The following APP variants were observed in gnomAD, a reference collection of about 807,000 sequenced individuals.
The protein encoded by APP is amyloid-beta precursor protein.
Under a neutral mutation model 101.4 loss-of-function variants are expected in APP, and 31 were observed. That is an observed-to-expected ratio of 0.31 (90% CI 0.23 to 0.41). The LOEUF (loss-of-function observed/expected upper bound fraction) is 0.41. Among genes scored for constraint, APP ranks in the 10% least tolerant of loss-of-function variants. The probability of loss-of-function intolerance (pLI) is 1.00; values close to 1 mark genes in which losing one functional copy is unlikely to be tolerated. For missense variants in APP, 839 were observed against 1,003.7 expected (o/e 0.84, Z 2.22); for synonymous variants, 366 against 364.4 (o/e 1.00, Z -0.05).
At chr21:25,996,382 C>T (rs935731924) in intron 8 of APP, among the ~76,000 whole-genome samples, 1 of 144,122 alleles carries the variant, frequency 6.9e-6, no homozygotes, top group Non-Finnish European at 1.5e-5. Context: ...TTGAAATCTG[C>T]GTGTACGAAT....
intron 3 of APP, among the ~76,000 whole-genome samples, chr21:26,060,403 G>A (rs764777297): frequency 6.6e-6 from 1 of 152,162 alleles, no homozygotes; most frequent in Non-Finnish European, 1.5e-5. Context: ...GTCCTGGCTG[G>A]GAGGGGGTGT....
intron 2 of APP, among the ~76,000 whole-genome samples, chr21:26,102,291 G>A (rs1193276031): frequency 2.0e-5 from 3 of 151,748 alleles, no homozygotes; most frequent in South Asian, 2.1e-4. Context: ...GGGTTTCACC[G>A]TGTTAGCCGG....
intron 13 of APP, among the ~76,000 whole-genome samples, chr21:25,953,090 GCT>G (rs1315543053): frequency 9.3e-6 from 1 of 107,218 alleles, no homozygotes; most frequent in African/African-American, 3.7e-5. Flanking sequence ...CTATGAAGTT[GCT>G]TTTTTTCTCT....
intron 6 of APP, among the ~76,000 whole-genome samples, chr21:26,003,875 T>A (rs756517747): frequency 1.3e-5 from 2 of 152,222 alleles, no homozygotes; most frequent in Non-Finnish European, 2.9e-5. Context: ...GAAGCTGACT[T>A]CGGAGAGGAC....
chr21:25,881,514 GGCATCTACTTGTGTTACA>G lies in APP; in HGVS notation c.*138_*155del, dbSNP rs1568997555. The G allele has an allele frequency of 2.5e-6, 2 of 788,994 alleles. No individual in the cohort carries two copies. The highest frequency in any genetic ancestry group is 4.3e-6 in the Non-Finnish European group (2 of 461,962). The allele number at this position is 788,994 out of a possible 1,614,324, so 48.9% of individuals were successfully genotyped here. A position where few individuals can be genotyped will look rare whatever the true frequency, so the allele number is the denominator to read the frequency against. ...TGATGTGTGGATTAATTCAAGTTCA[GGCATCTACTTGTGTTACA>G]GCACAGCTGTCAAAAGGCGATAATG... On this transcript the variant is annotated 3_prime_UTR_variant, in exon 18 of 18. Coordinates refer to ENST00000346798, the MANE Select transcript of APP (RefSeq NM_000484.4).
At chr21:25,959,241 T>A (rs1356677562) in intron 11 of APP, among the ~76,000 whole-genome samples, 1 of 152,212 alleles carries the variant, frequency 6.6e-6, no homozygotes, top group African/African-American at 2.4e-5. Flanking sequence ...CAGACCAGCC[T>A]GGCCAACATG....
chr21:25,977,590 G>A (rs1395944442), intron 9 of APP, among the ~76,000 whole-genome samples: 3 of 152,156 alleles, frequency 2.0e-5, no homozygotes, highest in Non-Finnish European at 4.4e-5. Flanking sequence ...AGATTTTATT[G>A]TCCATTGGCA....
chr21:26,130,460 G>C (rs1045811434), intron 1 of APP, among the ~76,000 whole-genome samples: 2 of 152,224 alleles, frequency 1.3e-5, no homozygotes, highest in African/African-American at 4.8e-5. Flanking sequence ...TCTCCATAAG[G>C]AGACAGGCTT....
chr21:26,094,887 C>T (rs2061906736), intron 2 of APP, among the ~76,000 whole-genome samples: 1 of 151,824 alleles, frequency 6.6e-6, no homozygotes, highest in South Asian at 2.1e-4. Flanking sequence ...ACTCTGTCGC[C>T]CAGGTTGCAG....
chr21:25,966,697 A>G (rs1421456120), intron 11 of APP, among the ~76,000 whole-genome samples: 1 of 152,220 alleles, frequency 6.6e-6, no homozygotes, highest in Admixed American at 6.5e-5. Context: ...TTTGCAACGA[A>G]AAGTGATGGG....
At chr21:25,910,520 C>T (rs1212920637) in intron 14 of APP, among the ~76,000 whole-genome samples, 2 of 152,200 alleles carry the variant, frequency 1.3e-5, no homozygotes, top group Non-Finnish European at 2.9e-5. Context: ...TCTTAAAAAA[C>T]ATGTTATTTG....
intron 1 of APP, among the ~76,000 whole-genome samples, chr21:26,165,453 CA>C (rs747966148): frequency 2.8e-4 from 43 of 152,280 alleles, no homozygotes; most frequent in Non-Finnish European, 5.4e-4. Flanking sequence ...TCAAAAGAAA[CA>C]AAGACAGAAT....
At chr21:26,155,750 C>T (rs1420368019) in intron 1 of APP, among the ~76,000 whole-genome samples, 1 of 152,160 alleles carries the variant, frequency 6.6e-6, no homozygotes, top group Non-Finnish European at 1.5e-5. Flanking sequence ...AATCCCAGCA[C>T]TTTGGGAGGC....
intron 8 of APP, among the ~76,000 whole-genome samples, chr21:25,991,169 G>C (rs1457849910): frequency 2.0e-5 from 3 of 152,120 alleles, no homozygotes; most frequent in African/African-American, 7.2e-5. Flanking sequence ...GAATGAGGAA[G>C]AGTGGGAAGG....
At chr21:26,097,343 C>G (rs2061965184) in intron 2 of APP, among the ~76,000 whole-genome samples, 1 of 152,168 alleles carries the variant, frequency 6.6e-6, no homozygotes, top group South Asian at 2.1e-4. Context: ...TCAACAGTGG[C>G]AAACCCTGGG....
chr21:25,963,445 C>G (rs929156667), intron 11 of APP, among the ~76,000 whole-genome samples: 3 of 152,140 alleles, frequency 2.0e-5, no homozygotes, highest in African/African-American at 7.2e-5. Flanking sequence ...CGTTTAAAAG[C>G]CCTGGGCATA....
At chr21:25,989,090 G>A (rs1209517507) in intron 8 of APP, among the ~76,000 whole-genome samples, 1 of 152,070 alleles carries the variant, frequency 6.6e-6, no homozygotes, top group Non-Finnish European at 1.5e-5. Flanking sequence ...TCCATCACTG[G>A]GGCCAAGACA....
chr21:26,115,816 T>C (rs940102177), intron 1 of APP, among the ~76,000 whole-genome samples: 2 of 152,154 alleles, frequency 1.3e-5, no homozygotes, highest in East Asian at 3.8e-4. Flanking sequence ...AGATAATTAT[T>C]CCTAATTTTT....
At chr21:26,108,702 A>G (rs912388973) in intron 2 of APP, among the ~76,000 whole-genome samples, 2 of 152,248 alleles carry the variant, frequency 1.3e-5, no homozygotes, top group East Asian at 3.9e-4. Flanking sequence ...CCTGGCCAAC[A>G]TGGTGAAACC....
Sources: gnomAD v4.1 joint callset for allele counts (sites outside exome capture counted in the v4.1 genomes callset) on GRCh38, gnomAD v4.1.1 for gene constraint, MANE v1.5 for transcripts, NCBI Gene and HGNC (gene_info 2026-07-23, HGNC 2026-07-21) for gene names.